BRINP3: variants seen among roughly 807,000 people sequenced by gnomAD.
BRINP3 encodes BMP/retinoic acid-inducible neural-specific protein 3.
BRINP3 carries 19 observed loss-of-function variants against 71.0 expected under a neutral mutation model. That is an observed-to-expected ratio of 0.27 (90% CI 0.19 to 0.39). BRINP3 has a LOEUF of 0.39. BRINP3 is among the 10% of genes least tolerant of loss of function. The pLI, the probability that BRINP3 is intolerant of heterozygous loss-of-function variation, is 1.00. For synonymous variants in BRINP3, 380 were observed against 337.7 expected (o/e 1.13, Z -1.37); for missense variants, 959 against 940.8 (o/e 1.02, Z -0.25).
At chr1:190,101,582 C>A (rs1025380792) in intron 7 of BRINP3, among the ~76,000 whole-genome samples, 1 of 152,014 alleles carries the variant, frequency 6.6e-6, no homozygotes, top group African/African-American at 2.4e-5. Flanking sequence ...TCATTGCTAC[C>A]TTTCTCTTTC....
At chr1:190,387,274 G>A (rs1475584051) in intron 2 of BRINP3, among the ~76,000 whole-genome samples, 1 of 152,066 alleles carries the variant, frequency 6.6e-6, no homozygotes, top group East Asian at 1.9e-4. Context: ...AATAACAAAA[G>A]TTAGAGGATG....
Position 190,454,823 on chromosome 1 carries a change from A to G in BRINP3, c.68T>C (p.Leu23Pro). Reference protein sequence around the residue: ...SLMALWEWIALSLHCWVLAVA... With the variant: ...SLMALWEWIAPSLHCWVLAVA... ...CGCTAAAACCCAGCAATGAAGACTC[A>G]GTGCTATCCACTCCCATAGAGCCAT... Residue 23 changes from leucine to proline, a missense_variant, in exon 2 of 8, where the codon CTG becomes CCG. Coordinates refer to ENST00000367462, the MANE Select transcript of BRINP3 (RefSeq NM_199051.3). 6.2e-7 allele frequency: 1 copy of G among 1,614,212 alleles called. No homozygotes were observed. Among genetic ancestry groups the G allele is most frequent in the Non-Finnish European group, 8.5e-7 (1 of 1,180,034 alleles).
intron 2 of BRINP3, among the ~76,000 whole-genome samples, chr1:190,433,195 C>G (rs1260479220): frequency 3.3e-5 from 5 of 152,126 alleles, no homozygotes; most frequent in Non-Finnish European, 5.9e-5. Flanking sequence ...TGCAACTGCT[C>G]TCTTCTTTCT....
At chr1:190,149,478 G>A (rs1656193190) in intron 7 of BRINP3, among the ~76,000 whole-genome samples, 1 of 152,162 alleles carries the variant, frequency 6.6e-6, no homozygotes, top group Non-Finnish European at 1.5e-5. Context: ...ATTTAGATGA[G>A]GTTATAAAAG....
At chr1:190,269,184 G>A (rs1412901921) in intron 3 of BRINP3, among the ~76,000 whole-genome samples, 1 of 152,082 alleles carries the variant, frequency 6.6e-6, no homozygotes, top group South Asian at 2.1e-4. Context: ...TGTAATAAGA[G>A]TGGGATAGTA....
intron 1 of BRINP3, among the ~76,000 whole-genome samples, chr1:190,467,991 A>T (rs758422359): frequency 2.6e-4 from 40 of 151,528 alleles, no homozygotes; most frequent in Non-Finnish European, 3.7e-4. Flanking sequence ...CTAAGTGGTA[A>T]TTTTTAAAAT....
rs1325207001 is a variant in BRINP3, at chr1:190,155,829, C to T, written c.1184+4839G>A. ...GTGCCATGCAAGATGTGTCTTGCTT[C>T]CCCTTTGCCTTATTCCATGATTCTA... On this transcript the variant is annotated intron_variant, in intron 7 of 7. Coordinates refer to ENST00000367462, the MANE Select transcript of BRINP3 (RefSeq NM_199051.3). Among the ~76,000 whole-genome samples, 4 of 152,138 alleles carry T rather than the reference C, an allele frequency of 2.6e-5. No homozygotes were observed. The East Asian group carries it at 7.7e-4, about 29-fold the overall frequency.
chr1:190,172,255 G>T (rs1348227647), intron 6 of BRINP3, among the ~76,000 whole-genome samples: 3 of 150,526 alleles, frequency 2.0e-5, no homozygotes, highest in African/African-American at 7.4e-5. Flanking sequence ...TTATATATGA[G>T]TTAAATTTTC....
At chr1:190,111,179 C>T (rs912415067) in intron 7 of BRINP3, among the ~76,000 whole-genome samples, 6 of 42,044 alleles carry the variant, frequency 1.4e-4, no homozygotes, top group African/African-American at 1.0e-3. Flanking sequence ...AGCAAGACTC[C>T]ATTAAAAAAA....
intron 7 of BRINP3, among the ~76,000 whole-genome samples, chr1:190,159,144 G>C (rs529008027): frequency 7.9e-5 from 12 of 151,974 alleles, no homozygotes; most frequent in African/African-American, 2.9e-4. Flanking sequence ...TAGTCATTAG[G>C]GAAATTTAAA....
intron 5 of BRINP3, among the ~76,000 whole-genome samples, chr1:190,229,878 G>A (rs1426165023): frequency 6.6e-6 from 1 of 151,798 alleles, no homozygotes; most frequent in Non-Finnish European, 1.5e-5. Flanking sequence ...AAAAAGACAA[G>A]GGATGGTATA....
Position 190,097,905 on chromosome 1 carries a change from T to C in BRINP3, c.*113A>G, listed in dbSNP as rs981556457. ...ATTGCCATCCAATGTTATTGACTGA[T>C]ATAAGACAGATATTGAAAAGACAAT... On this transcript the variant is annotated 3_prime_UTR_variant, in exon 8 of 8. Coordinates refer to ENST00000367462, the MANE Select transcript of BRINP3 (RefSeq NM_199051.3). 4.8e-5 allele frequency: 56 copies of C among 1,161,692 alleles called. No homozygotes were observed. Among genetic ancestry groups the C allele is most frequent in the Non-Finnish European group, 6.2e-5 (51 of 824,646 alleles). The allele number at this position is 1,161,692 out of a possible 1,614,324, so 72.0% of individuals were successfully genotyped here.
At chr1:190,144,183 C>T (rs1224435378) in intron 7 of BRINP3, among the ~76,000 whole-genome samples, 1 of 152,026 alleles carries the variant, frequency 6.6e-6, no homozygotes, top group Non-Finnish European at 1.5e-5. Flanking sequence ...TGAAATGCAA[C>T]CCCCTCCCCC....
intron 2 of BRINP3, among the ~76,000 whole-genome samples, chr1:190,453,248 G>A (rs1410122815): frequency 3.4e-5 from 2 of 59,572 alleles, no homozygotes; most frequent in Admixed American, 2.4e-4. Flanking sequence ...TGAGACGGAG[G>A]CTCGCTCTGT....
chr1:190,256,292 T>C (rs920906954), intron 4 of BRINP3, among the ~76,000 whole-genome samples: 15 of 152,316 alleles, frequency 9.8e-5, no homozygotes, highest in South Asian at 2.1e-4. Context: ...GTCTGTTTTA[T>C]CAGAGACTAG....
At chr1:190,463,332 T>C (rs1241385963) in intron 1 of BRINP3, among the ~76,000 whole-genome samples, 6 of 151,652 alleles carry the variant, frequency 4.0e-5, no homozygotes, top group Non-Finnish European at 7.4e-5. Context: ...TGTTTTTTCA[T>C]GTTCCCATAC....
intron 2 of BRINP3, among the ~76,000 whole-genome samples, chr1:190,292,208 A>T (rs1365427550): frequency 6.6e-6 from 1 of 152,140 alleles, no homozygotes; most frequent in Admixed American, 6.6e-5. Flanking sequence ...AGAAGGAAGA[A>T]GTTCAAGAGG....
At chr1:190,426,719 C>G (rs948629825) in intron 2 of BRINP3, among the ~76,000 whole-genome samples, 7 of 151,680 alleles carry the variant, frequency 4.6e-5, no homozygotes, top group Non-Finnish European at 1.0e-4. Flanking sequence ...TTTGTTTCCT[C>G]ATAGTTTTCA....
intron 4 of BRINP3, among the ~76,000 whole-genome samples, chr1:190,259,086 C>T (rs1027222687): frequency 3.3e-5 from 5 of 151,604 alleles, no homozygotes; most frequent in African/African-American, 7.3e-5. Context: ...GAATTAATAC[C>T]AATTCTTCAT....
Sources: allele counts gnomAD v4.1 joint callset (sites outside exome capture counted in the v4.1 genomes callset), GRCh38; gene constraint gnomAD v4.1.1; transcripts MANE v1.5; gene names NCBI Gene and HGNC (gene_info 2026-07-23, HGNC 2026-07-21).